HS6ST3: variants seen among roughly 807,000 people sequenced by gnomAD.
The protein encoded by HS6ST3 is heparan-sulfate 6-O-sulfotransferase 3.
A neutral mutation model predicts 36.7 loss-of-function variants in HS6ST3; 12 were observed. The ratio of observed to expected loss-of-function variants is 0.33; its 90% CI spans 0.21 to 0.53. HS6ST3 has a LOEUF of 0.53. Ranked by LOEUF, HS6ST3 falls within the 20% of genes least tolerant of loss-of-function variation. The probability of loss-of-function intolerance (pLI) is 0.95; values close to 1 mark genes in which losing one functional copy is unlikely to be tolerated. For missense variants in HS6ST3, 584 were observed against 640.9 expected, an observed-to-expected ratio of 0.91 and a Z score of 0.96; for synonymous variants, 240 against 257.5, an observed-to-expected ratio of 0.93 and a Z score of 0.65.
At chr13:96,181,844 T>A (rs1056177618) in intron 1 of HS6ST3, among the ~76,000 whole-genome samples, 1 of 152,222 alleles carries the variant, frequency 6.6e-6, no homozygotes, top group South Asian at 2.1e-4. Context: ...TCCTGGTTTG[T>A]TGCAATTTAT....
At chr13:96,574,295 A>G in intron 1 of HS6ST3, 3 of 384,990 alleles carry the variant, frequency 7.8e-6, no homozygotes, top group Non-Finnish European at 1.0e-5. Flanking sequence ...GGAAAAAGGC[A>G]TCAAACGTAC....
At chr13:96,161,443 G>A (rs2054135409) in intron 1 of HS6ST3, among the ~76,000 whole-genome samples, 2 of 152,300 alleles carry the variant, frequency 1.3e-5, no homozygotes, top group African/African-American at 2.4e-5. Flanking sequence ...AGAGGGCAGA[G>A]TTTGTGAAGA....
chr13:96,259,150 G>A (rs1381271168), intron 1 of HS6ST3, among the ~76,000 whole-genome samples: 1 of 151,924 alleles, frequency 6.6e-6, no homozygotes, highest in Non-Finnish European at 1.5e-5. Context: ...GTGTGTATGT[G>A]TGTGTCTGTG....
chr13:96,464,891 T>G (rs1014072580), intron 1 of HS6ST3, among the ~76,000 whole-genome samples: 5 of 151,882 alleles, frequency 3.3e-5, no homozygotes, highest in African/African-American at 1.2e-4. Context: ...TCACAGCACA[T>G]AGTTATCCAC....
intron 1 of HS6ST3, among the ~76,000 whole-genome samples, chr13:96,135,523 G>T (rs2139314080): frequency 6.6e-6 from 1 of 152,240 alleles, no homozygotes; most frequent in Non-Finnish European, 1.5e-5. Context: ...GTATCCCTAG[G>T]GCTGTCATGG....
Position 96,109,927 on chromosome 13 carries a change from C to T in HS6ST3, c.707+18358C>T, listed in dbSNP as rs1018287318. 9.9e-5 allele frequency among the ~76,000 whole-genome samples: 15 copies of T among 152,194 alleles called. No homozygotes were observed. The East Asian group carries it at 2.1e-3, about 22-fold the overall frequency. The stretch of plus-strand genomic sequence containing the variant: ...GTGAATCAGATATTTTCTTTTTTCT[C>T]AATGAAATTACAGTGGGCAGCCACC... On this transcript the variant is annotated intron_variant, in intron 1 of 1. Transcript: ENST00000376705.
At chr13:96,490,879 G>C (rs1342652294) in intron 1 of HS6ST3, among the ~76,000 whole-genome samples, 2 of 152,354 alleles carry the variant, frequency 1.3e-5, no homozygotes, top group East Asian at 3.9e-4. Context: ...GCTACTTGCT[G>C]TCCCAGCAAT....
At chr13:96,430,988 C>T (rs1415271688) in intron 1 of HS6ST3, among the ~76,000 whole-genome samples, 11 of 152,116 alleles carry the variant, frequency 7.2e-5, no homozygotes, top group African/African-American at 1.7e-4. Context: ...GTGCGGGATT[C>T]GCTTGAGGAC....
At chr13:96,521,976 T>C (rs1168907442) in intron 1 of HS6ST3, among the ~76,000 whole-genome samples, 1 of 152,208 alleles carries the variant, frequency 6.6e-6, no homozygotes. Flanking sequence ...CTGCTTTCTC[T>C]TGTGGGCATT....
chr13:96,534,816 A>G lies in HS6ST3; in HGVS notation c.708-297674A>G, dbSNP rs184976443. Among the ~76,000 whole-genome samples, 5 of 152,222 alleles carry G rather than the reference A, an allele frequency of 3.3e-5. No homozygotes were observed. In the East Asian group the frequency reaches 7.8e-4, roughly 24 times the overall value. ...TCTACTAAAGATACAAAAATTAGCC[A>G]GGCATGGTGGTGTGTGCCTATAGCC... On this transcript the variant is annotated intron_variant, in intron 1 of 1. Transcript: ENST00000376705.
intron 1 of HS6ST3, among the ~76,000 whole-genome samples, chr13:96,606,310 A>G (rs183484296): frequency 8.5e-5 from 13 of 152,268 alleles, no homozygotes; most frequent in Admixed American, 4.6e-4. Context: ...ACAAAGATGT[A>G]GAATCAACTT....
intron 1 of HS6ST3, among the ~76,000 whole-genome samples, chr13:96,788,481 T>A (rs1877707174): frequency 6.6e-6 from 1 of 151,928 alleles, no homozygotes; most frequent in African/African-American, 2.4e-5. Context: ...ATTCTTTGAT[T>A]GCTTTCATCA....
At chr13:96,165,077 T>C (rs2054154253) in intron 1 of HS6ST3, among the ~76,000 whole-genome samples, 1 of 152,200 alleles carries the variant, frequency 6.6e-6, no homozygotes, top group African/African-American at 2.4e-5. Flanking sequence ...ATACCTCTTA[T>C]TAACAAAAAA....
At chr13:96,230,234 G>C (rs2054501589) in intron 1 of HS6ST3, among the ~76,000 whole-genome samples, 1 of 152,042 alleles carries the variant, frequency 6.6e-6, no homozygotes, top group South Asian at 2.1e-4. Flanking sequence ...GATTGGAGTG[G>C]GCAACAGGAT....
At chr13:96,638,884 A>G (rs1393661298) in intron 1 of HS6ST3, among the ~76,000 whole-genome samples, 2 of 151,982 alleles carry the variant, frequency 1.3e-5, no homozygotes, top group African/African-American at 4.8e-5. Flanking sequence ...AATAAGATAC[A>G]CTAAAAACTT....
chr13:96,272,675 A>G (rs1169029213), intron 1 of HS6ST3, among the ~76,000 whole-genome samples: 2 of 152,002 alleles, frequency 1.3e-5, no homozygotes, highest in Admixed American at 6.6e-5. Context: ...TGCTTATTTA[A>G]TTAAAGTCAG....
intron 1 of HS6ST3, among the ~76,000 whole-genome samples, chr13:96,231,261 G>A (rs1435192171): frequency 6.6e-6 from 1 of 152,142 alleles, no homozygotes; most frequent in East Asian, 1.9e-4. Flanking sequence ...CTGGGGTGGG[G>A]CTTGAAATCC....
At chr13:96,737,820 T>C (rs1876325742) in intron 1 of HS6ST3, among the ~76,000 whole-genome samples, 1 of 152,124 alleles carries the variant, frequency 6.6e-6, no homozygotes, top group African/African-American at 2.4e-5. Flanking sequence ...TTCCAGGTTC[T>C]AGAGGCCTTC....
chr13:96,684,142 A>G (rs1160770322), intron 1 of HS6ST3, among the ~76,000 whole-genome samples: 2 of 152,114 alleles, frequency 1.3e-5, no homozygotes, highest in Non-Finnish European at 2.9e-5. Context: ...TTTTGCTCAG[A>G]GTGAAAACAT....
Sources: allele counts gnomAD v4.1 joint callset (sites outside exome capture counted in the v4.1 genomes callset), GRCh38; gene constraint gnomAD v4.1.1; transcripts MANE v1.5; gene names NCBI Gene and HGNC (gene_info 2026-07-23, HGNC 2026-07-21).